Variants in EPAS1 observed in about 807,000 individuals in gnomAD.
EPAS1 encodes the protein endothelial PAS domain protein 1.
In EPAS1, 23 loss-of-function variants were observed where a neutral mutation model predicts 87.9. The ratio of observed to expected loss-of-function variants is 0.26; its 90% CI spans 0.19 to 0.37. The LOEUF (loss-of-function observed/expected upper bound fraction) is 0.37, where lower values mean the gene tolerates loss of function less well. Ranked by LOEUF, EPAS1 falls within the 10% of genes least tolerant of loss-of-function variation. The pLI is 1.00. For missense variants in EPAS1, 1,138 were observed against 1,120.7 expected (o/e 1.02, Z -0.22); for synonymous variants, 508 against 444.3 (o/e 1.14, Z -1.80).
intron 11 of EPAS1, 36 bp downstream of exon 11, chr2:46,378,803 C>G (rs767589040): frequency 5.8e-6 from 9 of 1,557,744 alleles, no homozygotes; most frequent in Non-Finnish European, 8.0e-6. Flanking sequence ...GGGTGTGTGC[C>G]TGCTGTCTGG....
chr2:46,309,891 C>T (rs1049774728), intron 1 of EPAS1, among the ~76,000 whole-genome samples: 4 of 152,196 alleles, frequency 2.6e-5, no homozygotes, highest in Non-Finnish European at 5.9e-5. Flanking sequence ...TGAGAAGCTG[C>T]TCAGGGCATC....
rs1029044948 is a variant in EPAS1 at position 46,375,495 on chromosome 2, A to G, written c.887-195A>G. On this transcript the variant is annotated intron_variant, in intron 7 of 15. Coordinates refer to ENST00000263734, the MANE Select transcript of EPAS1 (RefSeq NM_001430.5). The surrounding 1 kb of genome is among the most constrained non-coding windows in gnomAD (Gnocchi z 4.1). ...TCACCTCTTCTCACCTCTTTTTCCT[A>G]TATTTAAAATGAAGAGTTGGCTGAG... The G allele has an allele frequency of 4.9e-5, 32 of 653,486 alleles. 1 individual carries two copies. Among genetic ancestry groups the G allele is most frequent in the Middle Eastern group, 4.2e-4 (1 of 2,394 alleles). 40.5% of individuals were successfully genotyped at this position (653,486 alleles called of 1,614,324 possible). A position where few individuals can be genotyped will look rare whatever the true frequency, so the allele number is the denominator to read the frequency against.
intron 1 of EPAS1, among the ~76,000 whole-genome samples, chr2:46,331,858 C>T (rs1683680579): frequency 6.6e-6 from 1 of 152,206 alleles, no homozygotes; most frequent in African/African-American, 2.4e-5. Flanking sequence ...CACGGCGCTG[C>T]CTCTGAGGCT....
At chr2:46,354,998 C>G (rs912683918) in intron 2 of EPAS1, among the ~76,000 whole-genome samples, 5 of 152,156 alleles carry the variant, frequency 3.3e-5, no homozygotes, top group Non-Finnish European at 1.5e-5. Flanking sequence ...TTCAAATCTT[C>G]TTTGCAACAG....
chr2:46,302,171 G>C (rs973457904), intron 1 of EPAS1, among the ~76,000 whole-genome samples: 10 of 144,920 alleles, frequency 6.9e-5, no homozygotes, highest in African/African-American at 2.1e-4. Context: ...GGGGGGGGGG[G>C]CAGTGGTGAT....
intron 7 of EPAS1, among the ~76,000 whole-genome samples, chr2:46,374,031 G>A (rs543867382): frequency 2.0e-5 from 3 of 152,356 alleles, no homozygotes; most frequent in African/African-American, 7.2e-5. Context: ...TGTGCTGAAT[G>A]CTTTGCAGAA....
intron 6 of EPAS1, among the ~76,000 whole-genome samples, chr2:46,366,215 T>G (rs1684498556): frequency 6.6e-6 from 1 of 152,266 alleles, no homozygotes; most frequent in Non-Finnish European, 1.5e-5. Flanking sequence ...TTTCTGCCAC[T>G]TGAGGTGGCA....
intron 10 of EPAS1, among the ~76,000 whole-genome samples, 156 bp downstream of exon 10, chr2:46,378,243 C>G (rs1010190695): frequency 2.6e-5 from 4 of 152,246 alleles, no homozygotes; most frequent in Non-Finnish European, 4.4e-5. Flanking sequence ...GGTATCAGAG[C>G]TGTTTTCTTC....
At chr2:46,318,169 G>C (rs1421026503) in intron 1 of EPAS1, among the ~76,000 whole-genome samples, 1 of 109,764 alleles carries the variant, frequency 9.1e-6, no homozygotes, top group Admixed American at 1.0e-4. Flanking sequence ...ATTGGGGAGG[G>C]GGAGAGAGAG....
intron 11 of EPAS1, among the ~76,000 whole-genome samples, chr2:46,379,441 A>C (rs1684834557): frequency 6.6e-6 from 1 of 152,172 alleles, no homozygotes; most frequent in African/African-American, 2.4e-5. Context: ...TCTGCAAAAC[A>C]TGCCCAATTT....
At chr2:46,337,013 T>G (rs58764570) in intron 1 of EPAS1, among the ~76,000 whole-genome samples, 2 of 152,236 alleles carry the variant, frequency 1.3e-5, no homozygotes, top group Admixed American at 1.3e-4. Context: ...ATGGAAACCG[T>G]CTATTCTAAT....
intron 2 of EPAS1, among the ~76,000 whole-genome samples, chr2:46,348,063 G>A (rs1400762762): frequency 1.3e-5 from 2 of 152,168 alleles, no homozygotes; most frequent in Non-Finnish European, 2.9e-5. Context: ...GGCTATTCTG[G>A]GAAAGAGGGA....
chr2:46,328,363 C>G (rs1328222235), intron 1 of EPAS1, among the ~76,000 whole-genome samples: 1 of 152,184 alleles, frequency 6.6e-6, no homozygotes, highest in Non-Finnish European at 1.5e-5. Flanking sequence ...CTTCGTTAAC[C>G]AAACATGGGA....
intron 1 of EPAS1, among the ~76,000 whole-genome samples, chr2:46,307,000 T>G (rs1028913512): frequency 6.6e-6 from 1 of 152,220 alleles, no homozygotes; most frequent in African/African-American, 2.4e-5. Context: ...TAGAAGCATA[T>G]AATTCACTTT....
At chr2:46,374,831 C>G (rs1684704058) in intron 7 of EPAS1, among the ~76,000 whole-genome samples, 1 of 152,174 alleles carries the variant, frequency 6.6e-6, no homozygotes, top group Admixed American at 6.5e-5. Context: ...TGATGTGAAA[C>G]CCTTCCCCAA....
chr2:46,340,391 C>A (rs934770715), intron 1 of EPAS1, among the ~76,000 whole-genome samples: 1 of 152,126 alleles, frequency 6.6e-6, no homozygotes, highest in African/African-American at 2.4e-5. Flanking sequence ...TCAGCCCCAG[C>A]GGAGCGGAGG....
intron 13 of EPAS1, 76 bp from the exon 14 acceptor site, chr2:46,381,899 G>GAC: frequency 7.4e-7 from 1 of 1,346,834 alleles, no homozygotes; most frequent in Non-Finnish European, 1.0e-6. Flanking sequence ...CCTGTTCCAG[G>GAC]CCCACCCAAC....
intron 1 of EPAS1, among the ~76,000 whole-genome samples, chr2:46,330,240 C>T (rs1327224161): frequency 1.3e-5 from 2 of 152,198 alleles, no homozygotes; most frequent in African/African-American, 2.4e-5. Context: ...ACCCCCATTC[C>T]CACAGAGATC....
Position 46,345,045 on chromosome 2 carries a change from GC to G in EPAS1, c.27-1826del, listed in dbSNP as rs1463541298. ...GCAAAGCCAAACAAAAGGAGAAGCA[GC>G]CTCTGGGATCTCAGATGGCAGGACA... On this transcript the variant is annotated intron_variant, in intron 1 of 15. Transcript: ENST00000263734. 5.9e-5 allele frequency among the ~76,000 whole-genome samples: 9 copies of G among 152,378 alleles called. 1 individual carries two copies. The highest frequency in any genetic ancestry group is 3.4e-3 in the Middle Eastern group (1 of 294).
Sources: allele counts gnomAD v4.1 joint callset (sites outside exome capture counted in the v4.1 genomes callset), GRCh38; gene constraint gnomAD v4.1.1; non-coding constraint Gnocchi (gnomAD v3.1); transcripts MANE v1.5; gene names NCBI Gene and HGNC (gene_info 2026-07-23, HGNC 2026-07-21).